SNRPN: variants seen among roughly 807,000 people sequenced by gnomAD.
SNRPN encodes the protein small nuclear ribonucleoprotein polypeptide N.
Under a neutral mutation model 25.2 loss-of-function variants are expected in SNRPN, and 7 were observed. The ratio of observed to expected loss-of-function variants is 0.28; its 90% CI spans 0.16 to 0.52. The LOEUF (loss-of-function observed/expected upper bound fraction) is 0.52. SNRPN is among the 20% of genes least tolerant of loss of function. The pLI is 0.96. For missense variants in SNRPN, 196 were observed against 322.5 expected, an observed-to-expected ratio of 0.61 and a Z score of 3.00; for synonymous variants, 124 against 110.6, an observed-to-expected ratio of 1.12 and a Z score of -0.76.
At chr15:24,941,368 A>C (rs147855713) in intron 3 of SNRPN, among the ~76,000 whole-genome samples, 1,688 of 152,350 alleles carry the variant, frequency 0.011, 17 homozygotes, top group South Asian at 0.049. Flanking sequence ...TGATTTCTGT[A>C]ACTGGTCAGG....
intron 2 of SNRPN, chr15:24,908,895 G>A: frequency 2.4e-6 from 2 of 820,372 alleles, no homozygotes; most frequent in South Asian, 1.7e-5. Flanking sequence ...TTTATTGTCT[G>A]TATCTGAAAA....
intron 1 of SNRPN, among the ~76,000 whole-genome samples, chr15:24,859,081 TTAGTTCAGACTG>T (rs1381026113): frequency 6.6e-6 from 1 of 152,060 alleles, no homozygotes; most frequent in East Asian, 1.9e-4. Context: ...CCAACCAGGA[TTAGTTCAGACTG>T]TGCGACCTGA....
In SNRPN at chr15:24,920,911, C is replaced by A. The variant is rs576691766; in HGVS notation, c.-391+787C>A. On this transcript the variant is annotated intron_variant, in intron 3 of 11. Transcript: ENST00000400097. ...GCTTTGTGTCTGTGTTTTAGGTCAGCTGCTGTTAAAGGTTTGTTTCGGAGA... is the reference window on the plus strand; with the variant it reads ...GCTTTGTGTCTGTGTTTTAGGTCAGATGCTGTTAAAGGTTTGTTTCGGAGA... Among the ~76,000 whole-genome samples, 98 of 152,288 alleles carry A rather than the reference C, an allele frequency of 6.4e-4. 1 individual carries two copies. The highest frequency in any genetic ancestry group is 1.2e-3 in the Non-Finnish European group (84 of 68,034).
At chr15:24,864,413 G>A (rs1252697288) in intron 1 of SNRPN, among the ~76,000 whole-genome samples, 6 of 116,592 alleles carry the variant, frequency 5.1e-5, no homozygotes, top group East Asian at 2.6e-4. Context: ...GCGCAATCTC[G>A]GCTCGCTGCA....
intron 2 of SNRPN, among the ~76,000 whole-genome samples, chr15:24,841,442 G>A (rs2051699045): frequency 6.6e-6 from 1 of 152,074 alleles, no homozygotes; most frequent in Admixed American, 6.6e-5. Context: ...AGCATCACGG[G>A]CCACCAGTTT....
At chr15:24,959,252 C>T (rs1566955355) in intron 1 of SNRPN, among the ~76,000 whole-genome samples, 1 of 152,102 alleles carries the variant, frequency 6.6e-6, no homozygotes, top group African/African-American at 2.4e-5. Flanking sequence ...TAGATAAATG[C>T]ATGTGTGTGT....
At chr15:24,903,830 C>T (rs979205843) in intron 2 of SNRPN, among the ~76,000 whole-genome samples, 18 of 151,976 alleles carry the variant, frequency 1.2e-4, no homozygotes, top group African/African-American at 4.1e-4. Context: ...TCCAGGAGTT[C>T]GAGACCAGCT....
At chr15:24,915,708 A>G (rs763175845) in intron 2 of SNRPN, among the ~76,000 whole-genome samples, 5 of 152,226 alleles carry the variant, frequency 3.3e-5, no homozygotes, top group Non-Finnish European at 7.3e-5. Context: ...GCCTGACAAT[A>G]TAACAAACTG....
At chr15:24,925,976 C>A (rs981294023) in intron 3 of SNRPN, among the ~76,000 whole-genome samples, 1 of 152,096 alleles carries the variant, frequency 6.6e-6, no homozygotes, top group Non-Finnish European at 1.5e-5. Flanking sequence ...CCTTGTGATC[C>A]GCCCGCCTCG....
At chr15:24,877,289 T>A (rs2056006935) in intron 1 of SNRPN, among the ~76,000 whole-genome samples, 1 of 152,228 alleles carries the variant, frequency 6.6e-6, no homozygotes, top group Admixed American at 6.5e-5. Flanking sequence ...TCCAGGTTGC[T>A]TTCATGCCTT....
intron 1 of SNRPN, among the ~76,000 whole-genome samples, chr15:24,959,304 T>C (rs891905785): frequency 3.9e-5 from 6 of 152,156 alleles, no homozygotes; most frequent in East Asian, 3.8e-4. Context: ...CAAAATCTTA[T>C]AGATGACATT....
chr15:24,873,508 T>C lies in SNRPN; in HGVS notation c.-578-13008T>C, dbSNP rs555985558. Reference sequence around the variant, plus strand: ...TGTTGCCCAGGCTAGAGTGCAGTGGTGCAATCTTGGCTCACTGCAAGCTCC... The same window carrying C: ...TGTTGCCCAGGCTAGAGTGCAGTGGCGCAATCTTGGCTCACTGCAAGCTCC... On this transcript the variant is annotated intron_variant, in intron 1 of 11. Coordinates refer to the SNRPN transcript ENST00000400097. Among the ~76,000 whole-genome samples, 10 of 146,710 alleles carry C rather than the reference T, an allele frequency of 6.8e-5. No homozygotes were observed. In the South Asian group the frequency reaches 9.1e-4, roughly 13 times the overall value.
In SNRPN at chr15:24,978,445, C is replaced by T; in HGVS notation, c.*1C>T. 1 of 1,613,266 alleles carries T rather than the reference C, an allele frequency of 6.2e-7. No homozygotes were observed. The highest frequency in any genetic ancestry group is 1.1e-5 in the South Asian group (1 of 91,050). On this transcript the variant is annotated 3_prime_UTR_variant, in exon 10 of 10. Coordinates refer to ENST00000390687, the MANE Select transcript of SNRPN (RefSeq NM_003097.6). ...AGGAATGCGTCCACCAAGACCTTAG[C>T]ATACTGTTGATCCATCTCAGTCACT... is the stretch of plus-strand genomic sequence containing the variant.
At chr15:24,921,444 A>G (rs942069823) in intron 3 of SNRPN, among the ~76,000 whole-genome samples, 1 of 152,168 alleles carries the variant, frequency 6.6e-6, no homozygotes, top group Non-Finnish European at 1.5e-5. Context: ...AAAGGAAGCC[A>G]AACTTATTTC....
At chr15:24,932,914 G>A (rs1437691021) in intron 3 of SNRPN, among the ~76,000 whole-genome samples, 2 of 152,154 alleles carry the variant, frequency 1.3e-5, no homozygotes, top group African/African-American at 4.8e-5. Context: ...CTCCCAAAGT[G>A]CTGGGATTAC....
chr15:24,953,906 T>C (rs1446681184), upstream of SNRPN, among the ~76,000 whole-genome samples: 1 of 152,210 alleles, frequency 6.6e-6, no homozygotes, highest in East Asian at 1.9e-4. Context: ...TTGATAAGCC[T>C]CTGCGCACCT....
intron 2 of SNRPN, among the ~76,000 whole-genome samples, chr15:24,847,259 AACTT>A (rs2052287679): frequency 6.6e-6 from 1 of 152,200 alleles, no homozygotes; most frequent in African/African-American, 2.4e-5. Flanking sequence ...GCCCATGGCA[AACTT>A]AATAACAAGA....
chr15:24,874,728 A>AATAG (rs35631592), intron 1 of SNRPN, among the ~76,000 whole-genome samples: 95,041 of 151,630 alleles, frequency 0.63, 30,397 homozygotes, highest in East Asian at 0.93. Context: ...CAGTAGGTTG[A>AATAG]ATAATCTCAT....
At chr15:24,905,120 A>G (rs1595817262) in intron 2 of SNRPN, among the ~76,000 whole-genome samples, 2 of 151,730 alleles carry the variant, frequency 1.3e-5, no homozygotes, top group South Asian at 4.2e-4. Flanking sequence ...CTCAAAAAAA[A>G]AAAAAAAAAA....
Sources: allele counts gnomAD v4.1 joint callset (sites outside exome capture counted in the v4.1 genomes callset), GRCh38; gene constraint gnomAD v4.1.1; transcripts MANE v1.5; gene names NCBI Gene and HGNC (gene_info 2026-07-23, HGNC 2026-07-21).